CD163L1: variants seen among roughly 807,000 people sequenced by gnomAD.
The protein encoded by CD163L1 is CD163 molecule like 1, also known as scavenger receptor cysteine-rich type 1 protein M160.
Under a neutral mutation model 165.4 loss-of-function variants are expected in CD163L1, and 124 were observed. That is an observed-to-expected ratio of 0.75 (90% CI 0.65 to 0.87). The LOEUF (loss-of-function observed/expected upper bound fraction) is 0.87, where lower values mean the gene tolerates loss of function less well. CD163L1 is among the 40% of genes least tolerant of loss of function. The pLI is 0.00. For synonymous variants in CD163L1, 585 were observed against 662.2 expected, an observed-to-expected ratio of 0.88 and a Z score of 1.79; for missense variants, 1,525 against 1,799.9, an observed-to-expected ratio of 0.85 and a Z score of 2.76.
rs146468829 is a variant in CD163L1, at chr12:7,416,195, A to G, written c.767-9343T>C. 4.9e-3 allele frequency among the ~76,000 whole-genome samples: 738 copies of G among 152,148 alleles called. 9 individuals carry two copies. The highest frequency in any genetic ancestry group is 0.017 in the African/African-American group (698 of 41,494). ...GACCAGTGATGATGAGCTTTTTTTC[A>G]TATGTTTGTTGGCCACATAAATGTC... On this transcript the variant is annotated intron_variant, in intron 4 of 19. Coordinates refer to ENST00000313599, the MANE Select transcript of CD163L1 (RefSeq NM_174941.6).
In CD163L1 at chr12:7,394,865, C is replaced by A. The variant is rs374336309; in HGVS notation, c.2050+1230G>T. 1.2e-4 allele frequency among the ~76,000 whole-genome samples: 19 copies of A among 152,080 alleles called. No individual in the cohort carries two copies. The South Asian group carries it at 2.1e-3, about 17-fold the overall frequency. The stretch of plus-strand genomic sequence containing the variant: ...AAAATGCTCATCATCACTGGCCATC[C>A]GAGAAATGCAAATCAAAACCACAGT... On this transcript the variant is annotated intron_variant, in intron 8 of 19. Transcript: ENST00000313599.
At chr12:7,402,573 T>C (rs1947935834) in intron 6 of CD163L1, among the ~76,000 whole-genome samples, 1 of 152,038 alleles carries the variant, frequency 6.6e-6, no homozygotes, top group African/African-American at 2.4e-5. Flanking sequence ...CTCTAGATAT[T>C]CCTTTTTTTC....
Position 7,368,237 on chromosome 12 carries a change from G to T in CD163L1, c.4073-40C>A. ...AGCATTGATAAGTATTAAACTAGTAGATATCAATTGTGGGTTTATACATTG... is the reference window on the plus strand; with the variant it reads ...AGCATTGATAAGTATTAAACTAGTATATATCAATTGTGGGTTTATACATTG... On this transcript the variant is annotated intron_variant, in intron 16 of 19. Coordinates refer to ENST00000313599, the MANE Select transcript of CD163L1 (RefSeq NM_174941.6). This position sits in a 1 kb window ranked among gnomAD's most constrained non-coding sequence, Gnocchi z 4.3. 1 of 1,136,688 alleles carries T rather than the reference G, an allele frequency of 8.8e-7. No individual in the cohort carries two copies. Among genetic ancestry groups the T allele is most frequent in the Non-Finnish European group, 1.3e-6 (1 of 757,074 alleles). The allele number at this position is 1,136,688 out of a possible 1,614,324, so 70.4% of individuals were successfully genotyped here.
chr12:7,421,534 T>C (rs1483246943), intron 4 of CD163L1, among the ~76,000 whole-genome samples: 2 of 132,316 alleles, frequency 1.5e-5, no homozygotes, highest in Non-Finnish European at 3.1e-5. Flanking sequence ...CATATATACA[T>C]ATACGTACAC....
At chr12:7,324,258 A>C in the CD163L1 span, 1,904 of 1,610,692 alleles carry the variant, frequency 1.2e-3, 2 homozygotes, top group Non-Finnish European at 1.4e-3. Context: ...CCCAAATGTC[A>C]TCCTTGGTTC....
chr12:7,369,171 G>A lies in CD163L1; in HGVS notation c.4039+186C>T, dbSNP rs1327391057. On this transcript the variant is annotated intron_variant, in intron 15 of 19. Transcript: ENST00000313599. This position sits in a 1 kb window ranked among gnomAD's most constrained non-coding sequence, Gnocchi z 4.9. ...ACCTTTCTTCCCTCAAAATTATGGG[G>A]GCTATTTTAGATAACAGTGGAACAT... Among the ~76,000 whole-genome samples, 3 of 152,126 alleles carry A rather than the reference G, an allele frequency of 2.0e-5. No homozygotes were observed. The East Asian group carries it at 5.8e-4, about 29-fold the overall frequency.
intron 2 of CD163L1, among the ~76,000 whole-genome samples, chr12:7,434,554 T>C (rs191544916): frequency 6.3e-4 from 96 of 152,194 alleles, no homozygotes; most frequent in Middle Eastern, 3.4e-3. Flanking sequence ...GTTTTCAACG[T>C]GAAACTTTAT....
chr12:7,427,978 T>C (rs1316981298), intron 4 of CD163L1, among the ~76,000 whole-genome samples: 1 of 152,160 alleles, frequency 6.6e-6, no homozygotes, highest in Admixed American at 6.6e-5. Flanking sequence ...GGTAGTTATA[T>C]TGCTAATTGC....
At chr12:7,408,095 C>A (rs1052539678) in intron 4 of CD163L1, among the ~76,000 whole-genome samples, 1 of 138,642 alleles carries the variant, frequency 7.2e-6, no homozygotes, top group Non-Finnish European at 1.5e-5. Context: ...ATATATATAT[C>A]ATATATATGC....
Position 7,373,403 on chromosome 12 carries a change from T to A in CD163L1, c.3647A>T (p.His1216Leu), listed in dbSNP as rs1418991183. ...WVDDIQCPKTHISIWQCLSAP... is the reference protein window; with the variant it reads ...WVDDIQCPKTLISIWQCLSAP... Reference sequence around the variant, plus strand: ...AGACAGGCACTGCCATATGGAGATATGCGTTTTAGGACACTGAATGTCATC... The same window carrying A: ...AGACAGGCACTGCCATATGGAGATAAGCGTTTTAGGACACTGAATGTCATC... Residue 1216 changes from histidine to leucine, a missense_variant, in exon 14 of 20, where the codon CAT becomes CTT. By Grantham distance (99) the His-to-Leu change is moderately conservative (BLOSUM62 -3). Transcript: ENST00000313599. 2 of 1,614,182 alleles carry A rather than the reference T, an allele frequency of 1.2e-6. No individual in the cohort carries two copies. The highest frequency in any genetic ancestry group is 1.3e-5 in the African/African-American group (1 of 75,048).
chr12:7,377,737 C>T (rs1947300351), intron 9 of CD163L1, among the ~76,000 whole-genome samples: 1 of 152,134 alleles, frequency 6.6e-6, no homozygotes. Context: ...AAACATCTTC[C>T]CTTGGCTTTA....
intron 18 of CD163L1, among the ~76,000 whole-genome samples, chr12:7,365,011 C>G (rs752883159): frequency 6.6e-6 from 1 of 152,196 alleles, no homozygotes; most frequent in East Asian, 1.9e-4. Context: ...ATCGCATTAC[C>G]TGACTTCAAA....
chr12:7,415,165 A>G (rs892531524), intron 4 of CD163L1, among the ~76,000 whole-genome samples: 2 of 152,176 alleles, frequency 1.3e-5, no homozygotes, highest in African/African-American at 2.4e-5. Context: ...AAAGATATGT[A>G]TATTCTGACA....
chr12:7,404,632 C>A (rs1477695384), intron 5 of CD163L1, among the ~76,000 whole-genome samples: 1 of 152,076 alleles, frequency 6.6e-6, no homozygotes, highest in Admixed American at 6.6e-5. Context: ...TTCTATGTCT[C>A]ATCTCCTCCC....
At chr12:7,414,931 C>T (rs1447038715) in intron 4 of CD163L1, among the ~76,000 whole-genome samples, 1 of 152,146 alleles carries the variant, frequency 6.6e-6, no homozygotes, top group Non-Finnish European at 1.5e-5. Flanking sequence ...TTTATCACCA[C>T]ATCTTCCTTA....
At chr12:7,329,092 G>T in the CD163L1 span, among the ~76,000 whole-genome samples, 1 of 147,058 alleles carries the variant, frequency 6.8e-6, no homozygotes, top group South Asian at 2.1e-4. Context: ...ATATCTGAAT[G>T]TATATATACA....
intron 4 of CD163L1, among the ~76,000 whole-genome samples, chr12:7,418,928 C>T (rs995338435): frequency 4.6e-5 from 7 of 152,034 alleles, no homozygotes; most frequent in South Asian, 4.1e-4. Flanking sequence ...GATGGATTCA[C>T]AGCTGAAATC....
At chr12:7,342,743 C>T (rs1373441932), downstream of CD163L1, among the ~76,000 whole-genome samples, 1 of 152,214 alleles carries the variant, frequency 6.6e-6, no homozygotes, top group Admixed American at 6.5e-5. Context: ...AAGCAATCCC[C>T]CTGTCTCTGC....
intron 4 of CD163L1, among the ~76,000 whole-genome samples, chr12:7,416,966 T>C (rs1444982302): frequency 6.6e-6 from 1 of 152,150 alleles, no homozygotes; most frequent in Non-Finnish European, 1.5e-5. Flanking sequence ...AAGGCAATGG[T>C]AGCTTGATGG....
Sources: allele counts gnomAD v4.1 joint callset (sites outside exome capture counted in the v4.1 genomes callset), GRCh38; gene constraint gnomAD v4.1.1; non-coding constraint Gnocchi (gnomAD v3.1); transcripts MANE v1.5; gene names NCBI Gene and HGNC (gene_info 2026-07-23, HGNC 2026-07-21).